Variants in ASNS observed in about 807,000 individuals in gnomAD.
The protein encoded by ASNS is asparagine synthetase (glutamine-hydrolyzing), also known as asparagine synthetase [glutamine-hydrolyzing].
A neutral mutation model predicts 62.6 loss-of-function variants in ASNS; 37 were observed. The observed-to-expected ratio is 0.59, with a 90% confidence interval of 0.45 to 0.78. The LOEUF is 0.78. Among genes scored for constraint, ASNS ranks in the 30% least tolerant of loss-of-function variants. The pLI is 0.00. For synonymous variants in ASNS, 207 were observed against 237.9 expected, an observed-to-expected ratio of 0.87 and a Z score of 1.19; for missense variants, 520 against 682.4, an observed-to-expected ratio of 0.76 and a Z score of 2.65.
chr7:97,853,113 T>C lies in ASNS; in HGVS notation c.1423A>G (p.Thr475Ala). ...TTAAACCAGGAATTCTTAACTGAAG[T>C]TATTCCATCACTGAAGGCTTCTTTT... ...RPKEAFSDGI[T>A]SVKNSWFKIL... The change falls in exon 12 of 13, where the codon ACT (threonine) becomes GCT (alanine). Residue 475 changes from threonine (T) to alanine (A), a missense_variant. Coordinates refer to ENST00000394308, the MANE Select transcript of ASNS (RefSeq NM_001673.5). The C allele has an allele frequency of 1.9e-6, 3 of 1,608,390 alleles. No homozygotes were observed. In the South Asian group the frequency reaches 3.3e-5, roughly 18 times the overall value.
chr7:97,924,567 G>T, the ASNS span, among the ~76,000 whole-genome samples: 1 of 152,218 alleles, frequency 6.6e-6, no homozygotes, highest in Non-Finnish European at 1.5e-5. Flanking sequence ...CAGCTCTGCA[G>T]GTCCCCAGCG....
chr7:97,882,368 GA>G, the ASNS span, among the ~76,000 whole-genome samples: 3 of 152,056 alleles, frequency 2.0e-5, no homozygotes, highest in Non-Finnish European at 4.4e-5. Flanking sequence ...CCAACATGGT[GA>G]AACCCCGTGT....
At chr7:97,861,022 C>CTTTT (rs1258360002) in intron 4 of ASNS, among the ~76,000 whole-genome samples, 2 of 73,250 alleles carry the variant, frequency 2.7e-5, no homozygotes, top group Admixed American at 1.1e-4. Flanking sequence ...TTCATTTGAT[C>CTTTT]CTTTTTTTTT....
At chr7:97,925,003 G>C in the ASNS span, among the ~76,000 whole-genome samples, 4 of 152,222 alleles carry the variant, frequency 2.6e-5, no homozygotes, top group South Asian at 2.1e-4. Flanking sequence ...CAGGTGTGGT[G>C]GTGGGCACCT....
At chr7:97,910,116 T>A in the ASNS span, among the ~76,000 whole-genome samples, 1 of 152,076 alleles carries the variant, frequency 6.6e-6, no homozygotes, top group Non-Finnish European at 1.5e-5. Flanking sequence ...CAAAGACTAG[T>A]TCCCAACCCA....
intron 8 of ASNS, among the ~76,000 whole-genome samples, chr7:97,855,906 CT>C (rs1336751409): frequency 2.0e-5 from 3 of 152,178 alleles, no homozygotes; most frequent in South Asian, 4.1e-4. Context: ...GCTGGGGAGA[CT>C]ATATAAGTTA....
intron 3 of ASNS, among the ~76,000 whole-genome samples, chr7:97,867,649 T>C (rs753553012): frequency 4.6e-5 from 7 of 152,324 alleles, no homozygotes; most frequent in African/African-American, 1.7e-4. Context: ...AAATTTTTAA[T>C]ACTCTCTTCT....
intron 1 of ASNS, chr7:97,870,096 T>A (rs1792180580): frequency 2.6e-6 from 1 of 378,946 alleles, no homozygotes; most frequent in South Asian, 1.2e-4. Context: ...CTTTCCAATT[T>A]CAAATTCTCA....
chr7:97,901,844 G>A, the ASNS span, among the ~76,000 whole-genome samples: 1 of 152,106 alleles, frequency 6.6e-6, no homozygotes, highest in African/African-American at 2.4e-5. Context: ...CAGACATGAT[G>A]TTGTGCACCT....
At chr7:97,922,488 A>G in the ASNS span, among the ~76,000 whole-genome samples, 1 of 152,214 alleles carries the variant, frequency 6.6e-6, no homozygotes, top group Non-Finnish European at 1.5e-5. Flanking sequence ...TTAGAGAGGA[A>G]GAATAAGTTC....
the ASNS span, among the ~76,000 whole-genome samples, chr7:97,886,933 GC>G: frequency 4.6e-5 from 7 of 152,232 alleles, no homozygotes; most frequent in South Asian, 8.3e-4. Context: ...ACAACTGAGT[GC>G]CCCCCACATA....
upstream of ASNS, among the ~76,000 whole-genome samples, chr7:97,877,095 CTT>C (rs55853302): frequency 7.8e-3 from 940 of 120,384 alleles, 9 homozygotes; most frequent in African/African-American, 0.023. Flanking sequence ...CATTTAACTT[CTT>C]TTTTTTTTTT....
the ASNS span, among the ~76,000 whole-genome samples, chr7:97,924,156 A>G: frequency 6.6e-6 from 1 of 152,152 alleles, no homozygotes; most frequent in East Asian, 1.9e-4. Flanking sequence ...CTCCCAGCAC[A>G]GTAAGACTTG....
At chr7:97,855,137 C>T (rs1210614499) in intron 9 of ASNS, 4 of 488,264 alleles carry the variant, frequency 8.2e-6, no homozygotes, top group Non-Finnish European at 1.5e-5. Flanking sequence ...GCCCTCATAC[C>T]CAGCTGTAAC....
At chr7:97,886,652 A>C in the ASNS span, among the ~76,000 whole-genome samples, 1 of 152,066 alleles carries the variant, frequency 6.6e-6, no homozygotes, top group Admixed American at 6.5e-5. Flanking sequence ...TTAGTTAAAA[A>C]CAAAAAAAAA....
chr7:97,915,640 G>A, the ASNS span, among the ~76,000 whole-genome samples: 5 of 152,200 alleles, frequency 3.3e-5, no homozygotes, highest in African/African-American at 9.6e-5. Context: ...GTGGCCAGGC[G>A]TCCCTGAGGA....
chr7:97,907,047 C>T, the ASNS span, among the ~76,000 whole-genome samples: 1 of 152,298 alleles, frequency 6.6e-6, no homozygotes. Flanking sequence ...GAGACACACC[C>T]AGAATAATGT....
At chr7:97,877,583 C>A in the ASNS span, among the ~76,000 whole-genome samples, 2 of 152,160 alleles carry the variant, frequency 1.3e-5, no homozygotes, top group African/African-American at 4.8e-5. Flanking sequence ...TCAGTGTCCT[C>A]TTCCAAGCTT....
the ASNS span, chr7:97,906,442 A>C: frequency 4.3e-6 from 1 of 234,926 alleles, no homozygotes; most frequent in Non-Finnish European, 8.4e-6. Flanking sequence ...TGCCCCCTTC[A>C]GTGGAGCTAA....
Sources: gnomAD v4.1 joint callset for allele counts (sites outside exome capture counted in the v4.1 genomes callset) on GRCh38, gnomAD v4.1.1 for gene constraint, MANE v1.5 for transcripts, NCBI Gene and HGNC (gene_info 2026-07-23, HGNC 2026-07-21) for gene names.